Variants in STX1A observed in about 807,000 individuals in gnomAD.
The protein encoded by STX1A is syntaxin 1A.
A neutral mutation model predicts 37.8 loss-of-function variants in STX1A; 4 were observed. The ratio of observed to expected loss-of-function variants is 0.11; its 90% CI spans 0.05 to 0.24. STX1A has a LOEUF of 0.24. Among genes scored for constraint, STX1A ranks in the 10% least tolerant of loss-of-function variants. The pLI is 1.00. For synonymous variants in STX1A, 135 were observed against 147.4 expected (o/e 0.92, Z 0.61); for missense variants, 251 against 399.9 (o/e 0.63, Z 3.18).
Position 73,704,341 on chromosome 7 carries a change from TGGCC to T in STX1A, c.357+5_357+8del. 1 of 1,614,140 alleles carries T rather than the reference TGGCC, an allele frequency of 6.2e-7. No homozygotes were observed. The highest frequency in any genetic ancestry group is 8.5e-7 in the Non-Finnish European group (1 of 1,180,010). ...AGGTGCCCGCCCATCCTAGACTCCG[TGGCC>T]GCACCTGTGTCTTCCGGATCCTCAG... is the stretch of plus-strand genomic sequence containing the variant. On this transcript the variant is annotated splice_donor_5th_base_variant and intron_variant, in intron 5 of 9. Coordinates refer to ENST00000222812, the MANE Select transcript of STX1A (RefSeq NM_004603.4).
chr7:73,705,468 C>T lies in STX1A; in HGVS notation c.209-244G>A, dbSNP rs887629105. 1.7e-4 allele frequency: 86 copies of T among 504,638 alleles called. No individual in the cohort carries two copies. The highest frequency in any genetic ancestry group is 1.6e-3 in the Admixed American group (46 of 29,024). The allele number at this position is 504,638 out of a possible 1,614,324, so 31.3% of individuals were successfully genotyped here. A position where few individuals can be genotyped will look rare whatever the true frequency, so the allele number is the denominator to read the frequency against. Reference sequence around the variant, plus strand: ...GGAGCCTCCCTTCCTCCTTTGCTGGCGCCCCCACCCCCTGGAGATAACAGA... The same window carrying T: ...GGAGCCTCCCTTCCTCCTTTGCTGGTGCCCCCACCCCCTGGAGATAACAGA... On this transcript the variant is annotated intron_variant, in intron 3 of 9. Coordinates refer to ENST00000222812, the MANE Select transcript of STX1A (RefSeq NM_004603.4). The surrounding 1 kb of genome is among the most constrained non-coding windows in gnomAD (Gnocchi z 5.2).
chr7:73,708,795 G>A (rs1374324354), intron 2 of STX1A, 107 bp from the exon 3 acceptor site: 16 of 1,245,676 alleles, frequency 1.3e-5, no homozygotes, highest in Admixed American at 1.2e-4. Context: ...GGGGGAGGAC[G>A]GGCCAGGCTC....
rs1244311519 is a variant in STX1A, at chr7:73,702,959, C to T, written c.564G>A (p.Ser188=). Residue 188 remains serine (S), a synonymous_variant, in exon 8 of 10, where the codon TCG becomes TCA. Transcript: ENST00000222812. This position sits in a 1 kb window ranked among gnomAD's most constrained non-coding sequence, Gnocchi z 4.7. The stretch of plus-strand genomic sequence containing the variant: ...TCTCAATCTCGCTCAGAGCCTGCTT[C>T]GAGATGCTGGAGTCCATGATGATCT... ...ASGIIMDSSI[S]KQALSEIETR... is the part of the protein sequence containing the mutation. 1.9e-6 allele frequency: 3 copies of T among 1,606,052 alleles called. No homozygotes were observed. Among genetic ancestry groups the T allele is most frequent in the Non-Finnish European group, 1.7e-6 (2 of 1,177,364 alleles).
chr7:73,719,536 G>A, intron 1 of STX1A, 66 bp downstream of exon 1: 3 of 1,188,248 alleles, frequency 2.5e-6, no homozygotes, highest in Non-Finnish European at 3.1e-6. Flanking sequence ...GAGCCGGGCG[G>A]GAAGTGTCCG....
In STX1A at chr7:73,704,409, T is replaced by A. The variant is rs782236446; in HGVS notation, c.298A>T (p.Ile100Phe). ...CGGTTCAGGCCTTCCTCTTGCTCGA[T>A]GGACTGCTCGATGCCTGGGGGCACA... is the stretch of plus-strand genomic sequence containing the variant. The part of the protein sequence containing the change: ...RSKLKSIEQS[I>F]EQEEGLNRSS... Residue 100 changes from isoleucine to phenylalanine, a missense_variant, in exon 5 of 10, where the codon ATC becomes TTC. Coordinates refer to ENST00000222812, the MANE Select transcript of STX1A (RefSeq NM_004603.4). The A allele has an allele frequency of 6.2e-7, 1 of 1,614,172 alleles. No individual in the cohort carries two copies. The highest frequency in any genetic ancestry group is 1.1e-5 in the South Asian group (1 of 91,082).
Position 73,702,754 on chromosome 7 carries a change from AG to A in STX1A, c.678+90del. On this transcript the variant is annotated intron_variant, in intron 8 of 9. Coordinates refer to ENST00000222812, the MANE Select transcript of STX1A (RefSeq NM_004603.4). This position sits in a 1 kb window ranked among gnomAD's most constrained non-coding sequence, Gnocchi z 4.7. The stretch of plus-strand genomic sequence containing the variant: ...CCTGAGAACTTGGTCCCTCCCCGGC[AG>A]GGCAGCGTGTCGGGCAGAAAGGGCG... 6.3e-7 allele frequency: 1 copy of A among 1,597,368 alleles called. No homozygotes were observed. Among genetic ancestry groups the A allele is most frequent in the Non-Finnish European group, 8.6e-7 (1 of 1,168,774 alleles).
intron 2 of STX1A, 141 bp downstream of exon 2, chr7:73,708,904 C>T: frequency 9.9e-7 from 1 of 1,010,800 alleles, no homozygotes; most frequent in South Asian, 1.4e-5. Flanking sequence ...TCTATTCACC[C>T]TCAAAACGGT....
intron 1 of STX1A, 103 bp downstream of exon 1, chr7:73,719,499 C>G: frequency 9.1e-7 from 1 of 1,095,572 alleles, no homozygotes; most frequent in Non-Finnish European, 1.1e-6. Context: ...GCTGGGGGCG[C>G]AGGAGCGGCC....
intron 3 of STX1A, among the ~76,000 whole-genome samples, chr7:73,707,431 T>C (rs550144541): frequency 6.6e-6 from 1 of 152,256 alleles, no homozygotes; most frequent in Admixed American, 6.5e-5. Context: ...TCTGCCTGCT[T>C]GGCCAGCTTG....
chr7:73,700,677 G>A lies in STX1A; in HGVS notation c.789+53C>T. 6.2e-7 allele frequency: 1 copy of A among 1,605,804 alleles called. No individual in the cohort carries two copies. Among genetic ancestry groups the A allele is most frequent in the Non-Finnish European group, 8.5e-7 (1 of 1,175,596 alleles). ...GATGGGGAGGGATGTGGGATGGTTG[G>A]GGGTCCCTAATGGGTGCTGGGGCAT... On this transcript the variant is annotated intron_variant, in intron 9 of 9. Coordinates refer to ENST00000222812, the MANE Select transcript of STX1A (RefSeq NM_004603.4). The surrounding 1 kb of genome is among the most constrained non-coding windows in gnomAD (Gnocchi z 4.4).
At chr7:73,703,115 T>G in intron 7 of STX1A, 133 bp from the exon 8 acceptor site, 3 of 750,566 alleles carry the variant, frequency 4.0e-6, no homozygotes, top group East Asian at 2.6e-5. Flanking sequence ...AGCCGCAGCC[T>G]TCCCCGCCTT....
At chr7:73,710,442 T>G (rs1799058871) in intron 1 of STX1A, among the ~76,000 whole-genome samples, 1 of 152,194 alleles carries the variant, frequency 6.6e-6, no homozygotes, top group African/African-American at 2.4e-5. Context: ...TTTTTTTATT[T>G]TTTGAGAGAG....
At chr7:73,719,272 G>A (rs1272681320) in intron 1 of STX1A, among the ~76,000 whole-genome samples, 1 of 152,130 alleles carries the variant, frequency 6.6e-6, no homozygotes, top group Non-Finnish European at 1.5e-5. Flanking sequence ...CTGCTCTGCG[G>A]GAGGGGGAAG....
Position 73,700,105 on chromosome 7 carries a change from G to A in STX1A, c.*302C>T. On this transcript the variant is annotated 3_prime_UTR_variant, in exon 10 of 10. Coordinates refer to ENST00000222812, the MANE Select transcript of STX1A (RefSeq NM_004603.4). The surrounding 1 kb of genome is among the most constrained non-coding windows in gnomAD (Gnocchi z 4.4). ...GGGCCCACCGAGTTACTGAAGGCAA[G>A]GAAGGGTGGCCTGTGTCACCCTGGC... is the stretch of plus-strand genomic sequence containing the variant. 2.1e-6 allele frequency: 1 copy of A among 481,080 alleles called. No homozygotes were observed. The highest frequency in any genetic ancestry group is 3.8e-6 in the Non-Finnish European group (1 of 264,210). 29.8% of individuals were successfully genotyped at this position (481,080 alleles called of 1,614,324 possible).
At chr7:73,701,757 G>A (rs1448311422) in intron 8 of STX1A, among the ~76,000 whole-genome samples, 2 of 152,076 alleles carry the variant, frequency 1.3e-5, no homozygotes, top group African/African-American at 4.8e-5. Context: ...GACGGCCTCC[G>A]TACTTCCTAA....
Position 73,706,868 on chromosome 7 carries a change from G to T in STX1A, c.209-1644C>A, listed in dbSNP as rs530075354. On this transcript the variant is annotated intron_variant, in intron 3 of 9. Coordinates refer to ENST00000222812, the MANE Select transcript of STX1A (RefSeq NM_004603.4). This position sits in a 1 kb window ranked among gnomAD's most constrained non-coding sequence, Gnocchi z 4.6. ...AAATCTCTCAGGCAAGGAGCTCAGC[G>T]TGGTGAGCCCTGGGCGTCCCTCTCT... 9.7e-4 allele frequency among the ~76,000 whole-genome samples: 148 copies of T among 152,308 alleles called. No homozygotes were observed. Among genetic ancestry groups the T allele is most frequent in the African/African-American group, 3.3e-3 (137 of 41,562 alleles).
chr7:73,710,457 G>T (rs1370256278), intron 1 of STX1A, among the ~76,000 whole-genome samples: 1 of 152,018 alleles, frequency 6.6e-6, no homozygotes, highest in African/African-American at 2.4e-5. Flanking sequence ...AGAGAGTCTC[G>T]CACTGTCACC....
intron 4 of STX1A, chr7:73,704,899 G>C: frequency 6.8e-6 from 4 of 584,308 alleles, no homozygotes; most frequent in South Asian, 3.9e-5. Flanking sequence ...GCAGAGGTGA[G>C]GGGCAGTGCC....
rs367636178 is a variant in STX1A at position 73,709,016 on chromosome 7, C to T, written c.108+29G>A. On this transcript the variant is annotated intron_variant, in intron 2 of 9. Coordinates refer to ENST00000222812, the MANE Select transcript of STX1A (RefSeq NM_004603.4). The surrounding 1 kb of genome is among the most constrained non-coding windows in gnomAD (Gnocchi z 4.2). The stretch of plus-strand genomic sequence containing the variant: ...TGGCCCCCCAAGTTCTGCCAGTGTG[C>T]GGGAAGGGTGGGGTGTGCTGGCTCC... The T allele has an allele frequency of 2.7e-5, 44 of 1,612,596 alleles. No individual in the cohort carries two copies. The highest frequency in any genetic ancestry group is 2.2e-4 in the Admixed American group (13 of 59,980).
Sources: gnomAD v4.1 joint callset for allele counts (sites outside exome capture counted in the v4.1 genomes callset) on GRCh38, gnomAD v4.1.1 for gene constraint, Gnocchi (gnomAD v3.1) non-coding constraint, MANE v1.5 for transcripts, NCBI Gene and HGNC (gene_info 2026-07-23, HGNC 2026-07-21) for gene names.